The following DDX56 variants were observed in gnomAD, a reference collection of about 807,000 sequenced individuals.
The protein encoded by DDX56 is probable ATP-dependent RNA helicase DDX56.
In DDX56, 45 loss-of-function variants were observed where a neutral mutation model predicts 61.5. The ratio of observed to expected loss-of-function variants is 0.73; its 90% CI spans 0.58 to 0.94. The LOEUF is 0.94. DDX56 is among the 40% of genes least tolerant of loss of function. DDX56 has a pLI of 0.00. For missense variants in DDX56, 708 were observed against 690.7 expected, an observed-to-expected ratio of 1.02 and a Z score of -0.28; for synonymous variants, 273 against 268.3, an observed-to-expected ratio of 1.02 and a Z score of -0.17.
chr7:44,565,984 C>G lies in DDX56; in HGVS notation c.*18G>C, dbSNP rs1426049749. ...CTGTGCTCCACAATGTGCTCAGCTCCAGAGAGGCCCAACAACCTCAGGAGG... is the reference window on the plus strand; with the variant it reads ...CTGTGCTCCACAATGTGCTCAGCTCGAGAGAGGCCCAACAACCTCAGGAGG... On this transcript the variant is annotated 3_prime_UTR_variant, in exon 14 of 14. Coordinates refer to ENST00000258772, the MANE Select transcript of DDX56 (RefSeq NM_019082.4). 2 of 1,598,604 alleles carry G rather than the reference C, an allele frequency of 1.3e-6. No homozygotes were observed. Among genetic ancestry groups the G allele is most frequent in the African/African-American group, 2.7e-5 (2 of 74,650 alleles).
chr7:44,572,467 G>A, intron 4 of DDX56, 30 bp from the exon 5 acceptor site: 1 of 1,613,170 alleles, frequency 6.2e-7, no homozygotes, highest in Non-Finnish European at 8.5e-7. Context: ...TCAGATTCCA[G>A]CTCCAAGGGC....
intron 3 of DDX56, 31 bp downstream of exon 3, chr7:44,572,859 A>C: frequency 6.3e-7 from 1 of 1,584,698 alleles, no homozygotes; most frequent in East Asian, 2.2e-5. Context: ...GTGTAGCTTC[A>C]TTCAGGTACA....
At chr7:44,569,101 T>C (rs1215874412) in intron 10 of DDX56, 29 bp downstream of exon 10, 2 of 1,613,098 alleles carry the variant, frequency 1.2e-6, no homozygotes, top group East Asian at 2.2e-5. Flanking sequence ...CCCTCCCCTC[T>C]CATTCCCCTC....
At chr7:44,566,588 T>C (rs978608070) in intron 12 of DDX56, 64 bp from the exon 13 acceptor site, 22 of 1,325,848 alleles carry the variant, frequency 1.7e-5, no homozygotes, top group Non-Finnish European at 2.1e-5. Flanking sequence ...GCCCTCCCGC[T>C]GATTCTGCAG....
chr7:44,568,159 G>T lies in DDX56; in HGVS notation c.1448C>A (p.Ala483Glu). The T allele has an allele frequency of 6.2e-7, 1 of 1,614,152 alleles. No individual in the cohort carries two copies. The highest frequency in any genetic ancestry group is 8.5e-7 in the Non-Finnish European group (1 of 1,179,982). Residue 483 changes from alanine (A) to glutamate (E), a missense_variant, in exon 12 of 14, where the codon GCA becomes GAA. Coordinates refer to ENST00000258772, the MANE Select transcript of DDX56 (RefSeq NM_019082.4). ...LLRHDLPLHP[A>E]VVKPHLGHVP... The stretch of plus-strand genomic sequence containing the variant: ...ATGGCCCAGGTGGGGCTTCACCACT[G>T]CGGGGTGCAAAGGTAGGTCATGCCG...
At chr7:44,569,061 A>G (rs1562583612) in intron 10 of DDX56, 69 bp from the exon 11 acceptor site, 9 of 1,611,584 alleles carry the variant, frequency 5.6e-6, no homozygotes, top group Non-Finnish European at 6.8e-6. Context: ...CTGGATGCTC[A>G]GCAAGACGGT....
Position 44,572,662 on chromosome 7 carries a change from GT to G in DDX56, c.465del (p.Lys155AsnfsTer56). ...ACCAAAAGCTCCAGGGAGTCACGAA[GT>G]TTCAGGCTGTCTTGCTGCAAGTGGC... ...ILSHLQQDSLKLRDSLELLVV... is the reference protein window; with the variant it reads ...ILSHLQQDSLXLRDSLELLVV... On this transcript the variant is annotated frameshift_variant, in exon 4 of 14. Transcript: ENST00000258772. LOFTEE classifies it high-confidence loss of function. 6.2e-7 allele frequency: 1 copy of G among 1,614,224 alleles called. No homozygotes were observed. The highest frequency in any genetic ancestry group is 8.5e-7 in the Non-Finnish European group (1 of 1,180,052).
Position 44,570,810 on chromosome 7 carries a change from G to A in DDX56, c.958C>T (p.Leu320=). ...CGCTTGCCCTTGACTGGGGCCCCCAGGACTTCAGCATCAGTTGCTATGACA... is the reference window on the plus strand; with the variant it reads ...CGCTTGCCCTTGACTGGGGCCCCCAAGACTTCAGCATCAGTTGCTATGACA... ...DCVIATDAEV[L]GAPVKGKRRG... Residue 320 remains leucine, a synonymous_variant, in exon 7 of 14, where the codon CTG becomes TTG. Coordinates refer to ENST00000258772, the MANE Select transcript of DDX56 (RefSeq NM_019082.4). 6.2e-7 allele frequency: 1 copy of A among 1,613,964 alleles called. No homozygotes were observed. The highest frequency in any genetic ancestry group is 1.1e-5 in the South Asian group (1 of 91,080).
chr7:44,567,305 A>G (rs1802566148), intron 12 of DDX56, among the ~76,000 whole-genome samples: 1 of 152,076 alleles, frequency 6.6e-6, no homozygotes, highest in East Asian at 1.9e-4. Flanking sequence ...TAGCAGCAAC[A>G]CCACACCCGC....
chr7:44,566,279 C>T (rs1203887010), intron 13 of DDX56, 169 bp downstream of exon 13: 1 of 749,824 alleles, frequency 1.3e-6, no homozygotes. Context: ...CAAAAGTACC[C>T]CTATCCCACA....
intron 12 of DDX56, 97 bp from the exon 13 acceptor site, chr7:44,566,621 A>G: frequency 1.1e-6 from 1 of 925,448 alleles, no homozygotes; most frequent in Non-Finnish European, 1.6e-6. Context: ...TTCTGACCCA[A>G]CTGGCAGCCT....
intron 9 of DDX56, 52 bp from the exon 10 acceptor site, chr7:44,569,255 G>T (rs1442894557): frequency 9.6e-6 from 15 of 1,554,662 alleles, no homozygotes; most frequent in Non-Finnish European, 1.3e-5. Context: ...TTAGGATAGG[G>T]TCTTCATTGG....
In DDX56 at chr7:44,572,370, T is replaced by G. The variant is rs1802697949; in HGVS notation, c.622A>C (p.Lys208Gln). The G allele has an allele frequency of 6.2e-7, 1 of 1,613,954 alleles. No individual in the cohort carries two copies. The highest frequency in any genetic ancestry group is 8.5e-7 in the Non-Finnish European group (1 of 1,179,994). Residue 208 changes from lysine (K) to glutamine (Q), a missense_variant, in exon 5 of 14, where the codon AAG becomes CAG. Lys to Gln is a moderately conservative substitution (Grantham distance 53). Coordinates refer to ENST00000258772, the MANE Select transcript of DDX56 (RefSeq NM_019082.4). ...ACCGGGTTATGTAATATCAGCTCCT[T>G]GAGTGCTTGTACGTCCTCGTTAAAA... ...ATFNEDVQAL[K>Q]ELILHNPVTL...
Position 44,565,879 on chromosome 7 carries a change from C to G in DDX56, c.*123G>C. ...GGAAGTGCCAAGGAGCTAAAGGGCC[C>G]AGCACTGCCGGCCCCAGAACTGTCT... On this transcript the variant is annotated 3_prime_UTR_variant, in exon 14 of 14. Transcript: ENST00000258772. 1 of 778,990 alleles carries G rather than the reference C, an allele frequency of 1.3e-6. No homozygotes were observed. The highest frequency in any genetic ancestry group is 1.5e-5 in the South Asian group (1 of 66,706). 48.3% of individuals were successfully genotyped at this position (778,990 alleles called of 1,614,324 possible).
chr7:44,570,715 C>T lies in DDX56; in HGVS notation c.1010+43G>A, dbSNP rs1003027463. ...TTAGTCTTCCAAAAAGCTAAAAACA[C>T]AGGCATTTCTGGGGAGGGATGGAAA... On this transcript the variant is annotated intron_variant, in intron 7 of 13. Transcript: ENST00000258772. 10 of 1,576,156 alleles carry T rather than the reference C, an allele frequency of 6.3e-6. No homozygotes were observed. In the East Asian group the frequency reaches 1.4e-4, roughly 21 times the overall value.
At chr7:44,570,309 C>A (rs947509408) in intron 7 of DDX56, among the ~76,000 whole-genome samples, 181 bp from the exon 8 acceptor site, 1 of 152,192 alleles carries the variant, frequency 6.6e-6, no homozygotes, top group African/African-American at 2.4e-5. Context: ...GGAGCTTTGA[C>A]ATGTACCCAA....
At position 44,568,345 on chromosome 7, in the gene DDX56, C is replaced by T. The variant is rs533725771; in HGVS notation, c.1384-122G>A. On this transcript the variant is annotated intron_variant, in intron 11 of 13. Coordinates refer to ENST00000258772, the MANE Select transcript of DDX56 (RefSeq NM_019082.4). ...AAGGCATGAGGCAGCTGCTTCTGTG[C>T]ATTTCTCAGAACCTCCCGGGAGTGG... 11 of 696,368 alleles carry T rather than the reference C, an allele frequency of 1.6e-5. No homozygotes were observed. In the South Asian group the frequency reaches 2.1e-4, roughly 13 times the overall value. 43.1% of individuals were successfully genotyped at this position (696,368 alleles called of 1,614,324 possible). A position where few individuals can be genotyped will look rare whatever the true frequency, so the allele number is the denominator to read the frequency against.
In DDX56 at chr7:44,573,846, C is replaced by G; in HGVS notation, c.50G>C (p.Arg17Pro). 6.2e-7 allele frequency: 1 copy of G among 1,613,322 alleles called. No homozygotes were observed. ...AGCCCTCGCGTGTACCTGAAGGAGC[C>G]GGGGATCGAGGCCCATGTGTTCGAA... Reference protein sequence around the residue: ...LGFEHMGLDPRLLQAVTDLGW... With the variant: ...LGFEHMGLDPPLLQAVTDLGW... The change falls in exon 1 of 14, where the codon CGG (arginine) becomes CCG (proline). Residue 17 changes from arginine to proline, a missense_variant. By Grantham distance (103) the Arg-to-Pro change is moderately radical. Coordinates refer to ENST00000258772, the MANE Select transcript of DDX56 (RefSeq NM_019082.4).
intron 12 of DDX56, among the ~76,000 whole-genome samples, chr7:44,567,510 G>A (rs111246789): frequency 2.0e-5 from 3 of 152,330 alleles, no homozygotes; most frequent in African/African-American, 7.2e-5. Flanking sequence ...CAAAGATGAG[G>A]AGAGGTGCCC....
Sources: gnomAD v4.1 joint callset for allele counts (sites outside exome capture counted in the v4.1 genomes callset) on GRCh38, gnomAD v4.1.1 for gene constraint, MANE v1.5 for transcripts, NCBI Gene and HGNC (gene_info 2026-07-23, HGNC 2026-07-21) for gene names.